EYS: variants seen among roughly 807,000 people sequenced by gnomAD.
EYS encodes the protein EGF-like photoreceptor maintenance factor.
Under a neutral mutation model 282.1 loss-of-function variants are expected in EYS, and 250 were observed. The ratio of observed to expected loss-of-function variants is 0.89; its 90% CI spans 0.80 to 0.98. EYS has a LOEUF of 0.98. EYS is among the 50% of genes least tolerant of loss of function. The pLI is 0.00. For missense variants in EYS, 4,016 were observed against 3,709.0 expected, an observed-to-expected ratio of 1.08 and a Z score of -2.15; for synonymous variants, 1,355 against 1,282.9, an observed-to-expected ratio of 1.06 and a Z score of -1.20.
chr6:65,220,308 G>A (rs1766428539), intron 12 of EYS, among the ~76,000 whole-genome samples: 1 of 152,076 alleles, frequency 6.6e-6, no homozygotes, highest in Non-Finnish European at 1.5e-5. Context: ...CCATGCACTA[G>A]ACACTCTGCT....
chr6:65,094,256 G>GA (rs901517863), intron 12 of EYS, among the ~76,000 whole-genome samples: 3 of 100,742 alleles, frequency 3.0e-5, no homozygotes, highest in Non-Finnish European at 3.9e-5. Context: ...GAAACAGACA[G>GA]AAAAAAATCA....
intron 26 of EYS, among the ~76,000 whole-genome samples, chr6:64,499,785 T>C (rs1487589784): frequency 6.6e-6 from 1 of 152,104 alleles, no homozygotes; most frequent in Non-Finnish European, 1.5e-5. Flanking sequence ...AACAATAAGT[T>C]ATGTTAATAA....
chr6:63,936,021 A>G (rs561430886), intron 35 of EYS, among the ~76,000 whole-genome samples: 22 of 152,316 alleles, frequency 1.4e-4, no homozygotes, highest in South Asian at 2.1e-4. Context: ...AAGCCAGAGA[A>G]CATGTCTTTT....
chr6:64,994,704 A>G (rs767622580), intron 14 of EYS, among the ~76,000 whole-genome samples: 4 of 152,114 alleles, frequency 2.6e-5, no homozygotes, highest in Non-Finnish European at 5.9e-5. Flanking sequence ...AAAATTATGT[A>G]TTATGTCTAA....
chr6:64,805,505 G>A (rs1372315112), intron 22 of EYS, among the ~76,000 whole-genome samples: 1 of 151,584 alleles, frequency 6.6e-6, no homozygotes. Context: ...TAGGTATTTT[G>A]AAAGGCAAAC....
chr6:65,513,500 T>A, intron 2 of EYS, among the ~76,000 whole-genome samples: 1 of 151,666 alleles, frequency 6.6e-6, no homozygotes, highest in Non-Finnish European at 1.5e-5. Context: ...AAGAGAATTT[T>A]AGACCAATAT....
chr6:65,653,442 A>G (rs1363967121), intron 1 of EYS, among the ~76,000 whole-genome samples: 1 of 151,984 alleles, frequency 6.6e-6, no homozygotes, highest in African/African-American at 2.4e-5. Flanking sequence ...GCTTTGATAT[A>G]CACTGATTTC....
At position 63,957,835 on chromosome 6, in the gene EYS, G is replaced by A. The variant is rs970491411; in HGVS notation, c.7055+26548C>T. On this transcript the variant is annotated intron_variant, in intron 35 of 42. Coordinates refer to ENST00000503581, the MANE Select transcript of EYS (RefSeq NM_001142800.2). ...TGACACTCAAACATTTTATCAAAAA[G>A]TTCTGTTTTTAGTAAAGAAACAAGG... Among the ~76,000 whole-genome samples, 4 of 140,492 alleles carry A rather than the reference G, an allele frequency of 2.8e-5. 1 individual carries two copies. Among genetic ancestry groups the A allele is most frequent in the Admixed American group, 2.3e-4 (3 of 12,996 alleles). The allele number at this position is 140,492 out of a possible 152,430, so 92.2% of individuals were successfully genotyped here.
intron 13 of EYS, among the ~76,000 whole-genome samples, chr6:65,052,687 A>G (rs1773307250): frequency 6.6e-6 from 1 of 151,686 alleles, no homozygotes; most frequent in Admixed American, 6.6e-5. Flanking sequence ...TCATTTTTAC[A>G]TATTAAAATT....
chr6:64,254,517 A>G (rs1767328627), intron 30 of EYS, among the ~76,000 whole-genome samples: 1 of 152,002 alleles, frequency 6.6e-6, no homozygotes, highest in Non-Finnish European at 1.5e-5. Flanking sequence ...GAGGCAAGAA[A>G]ATGTGATCAG....
chr6:64,559,090 G>T (rs1325605059), intron 26 of EYS, among the ~76,000 whole-genome samples: 2 of 151,998 alleles, frequency 1.3e-5, no homozygotes, highest in Non-Finnish European at 2.9e-5. Flanking sequence ...TTATGACATG[G>T]TCTAATCTCC....
At chr6:64,144,957 A>G (rs1774462064) in intron 31 of EYS, among the ~76,000 whole-genome samples, 1 of 152,140 alleles carries the variant, frequency 6.6e-6, no homozygotes, top group Non-Finnish European at 1.5e-5. Flanking sequence ...CAAGCTAACT[A>G]TCTCACTCAG....
chr6:65,210,576 A>G (rs1165118912), intron 12 of EYS, among the ~76,000 whole-genome samples: 1 of 152,052 alleles, frequency 6.6e-6, no homozygotes, highest in African/African-American at 2.4e-5. Context: ...ATCAATTGGC[A>G]TGATCTCAGT....
chr6:64,914,922 C>T (rs7772016), intron 15 of EYS, among the ~76,000 whole-genome samples: 12,557 of 151,982 alleles, frequency 0.083, 597 homozygotes, highest in East Asian at 0.13. Context: ...TTCATACCTT[C>T]ACAATATAAA....
intron 22 of EYS, among the ~76,000 whole-genome samples, chr6:64,776,095 A>G (rs1312241083): frequency 1.3e-5 from 2 of 152,074 alleles, no homozygotes; most frequent in Non-Finnish European, 2.9e-5. Context: ...CTAAAAATCA[A>G]ATATCACACA....
Position 63,811,035 on chromosome 6 carries a change from G to T in EYS, c.7229-4663C>A, listed in dbSNP as rs182155250. On this transcript the variant is annotated intron_variant, in intron 36 of 42. Coordinates refer to ENST00000503581, the MANE Select transcript of EYS (RefSeq NM_001142800.2). Reference sequence around the variant, plus strand: ...TCCACCCCTTCTCATTTGCTCAAGGGCATCATTTCAGAAATTCTGTCCTGC... The same window carrying T: ...TCCACCCCTTCTCATTTGCTCAAGGTCATCATTTCAGAAATTCTGTCCTGC... Among the ~76,000 whole-genome samples, 433 of 152,162 alleles carry T rather than the reference G, an allele frequency of 2.8e-3. 2 individuals carry two copies. Among genetic ancestry groups the T allele is most frequent in the Middle Eastern group, 0.014 (4 of 294 alleles).
chr6:64,064,317 A>G (rs1771288034), intron 33 of EYS, among the ~76,000 whole-genome samples: 1 of 152,202 alleles, frequency 6.6e-6, no homozygotes, highest in Non-Finnish European at 1.5e-5. Context: ...AAATGAATAT[A>G]TGAAACTAAA....
intron 12 of EYS, among the ~76,000 whole-genome samples, chr6:65,093,391 T>C (rs75992498): frequency 0.024 from 3,669 of 152,034 alleles, 64 homozygotes; most frequent in Non-Finnish European, 0.042. Flanking sequence ...AATACCATAA[T>C]GATAGTAGAT....
chr6:65,160,520 G>A (rs187637746), intron 12 of EYS, among the ~76,000 whole-genome samples: 2 of 150,716 alleles, frequency 1.3e-5, no homozygotes, highest in East Asian at 3.9e-4. Context: ...CTTATCTTTT[G>A]TTTGACTACT....
Sources: gnomAD v4.1 joint callset for allele counts (sites outside exome capture counted in the v4.1 genomes callset) on GRCh38, gnomAD v4.1.1 for gene constraint, MANE v1.5 for transcripts, NCBI Gene and HGNC (gene_info 2026-07-23, HGNC 2026-07-21) for gene names.